The following JAZF1 variants were observed in gnomAD, a reference collection of about 807,000 sequenced individuals.
JAZF1 encodes the protein JAZF zinc finger 1, also known as juxtaposed with another zinc finger protein 1.
JAZF1 carries 8 observed loss-of-function variants against 26.4 expected under a neutral mutation model. The ratio of observed to expected loss-of-function variants is 0.30; its 90% CI spans 0.18 to 0.55. The LOEUF is 0.55. Ranked by LOEUF, JAZF1 falls within the 20% of genes least tolerant of loss-of-function variation. JAZF1 has a pLI of 0.94. For synonymous variants in JAZF1, 126 were observed against 122.3 expected (o/e 1.03, Z -0.20); for missense variants, 199 against 322.0 (o/e 0.62, Z 2.92).
chr7:27,860,289 TTA>T (rs1235100942), intron 3 of JAZF1, among the ~76,000 whole-genome samples: 42 of 152,334 alleles, frequency 2.8e-4, no homozygotes, highest in African/African-American at 9.1e-4. Context: ...ATTGGTTCTG[TTA>T]TATGTCATTT....
At chr7:27,878,561 C>G (rs1336560977) in intron 3 of JAZF1, among the ~76,000 whole-genome samples, 1 of 152,218 alleles carries the variant, frequency 6.6e-6, no homozygotes, top group Non-Finnish European at 1.5e-5. Context: ...GCATAAATTT[C>G]TGGTTCCCAA....
chr7:28,006,679 A>G (rs1318183362), intron 1 of JAZF1, among the ~76,000 whole-genome samples: 1 of 152,196 alleles, frequency 6.6e-6, no homozygotes, highest in African/African-American at 2.4e-5. Context: ...AAAGGCCCAA[A>G]TCACAGGACC....
intron 2 of JAZF1, among the ~76,000 whole-genome samples, chr7:27,947,987 A>T (rs191675412): frequency 1.3e-5 from 2 of 152,172 alleles, no homozygotes; most frequent in Non-Finnish European, 2.9e-5. Context: ...CTTTTGGTCA[A>T]TTCATGGCAG....
At chr7:27,874,676 A>C (rs1783643232) in intron 3 of JAZF1, among the ~76,000 whole-genome samples, 2 of 151,868 alleles carry the variant, frequency 1.3e-5, no homozygotes, top group Non-Finnish European at 2.9e-5. Flanking sequence ...AAGAGCAAAG[A>C]AGCATGGCCT....
At chr7:27,899,702 A>C (rs1455648405) in intron 2 of JAZF1, among the ~76,000 whole-genome samples, 1 of 152,124 alleles carries the variant, frequency 6.6e-6, no homozygotes, top group African/African-American at 2.4e-5. Flanking sequence ...TTAGGATTAT[A>C]GGTGTGAGCC....
At chr7:28,106,684 G>A (rs184203848) in intron 1 of JAZF1, among the ~76,000 whole-genome samples, 3 of 152,296 alleles carry the variant, frequency 2.0e-5, no homozygotes, top group Admixed American at 2.0e-4. Flanking sequence ...CAATATGCTT[G>A]AGAATTTTAA....
chr7:28,176,198 C>T (rs1334711969), intron 1 of JAZF1, among the ~76,000 whole-genome samples: 2 of 152,256 alleles, frequency 1.3e-5, no homozygotes, highest in African/African-American at 4.8e-5. Context: ...CAATGAGACT[C>T]TGCCCCTTAA....
intron 2 of JAZF1, among the ~76,000 whole-genome samples, chr7:27,898,631 C>CAACAACTATA (rs1400546825): frequency 1.3e-5 from 2 of 152,038 alleles, no homozygotes; most frequent in Non-Finnish European, 2.9e-5. Context: ...AGATATAACA[C>CAACAACTATA]AACAACTATA....
intron 1 of JAZF1, among the ~76,000 whole-genome samples, chr7:28,049,728 T>C (rs1783578797): frequency 6.6e-6 from 1 of 152,140 alleles, no homozygotes; most frequent in Non-Finnish European, 1.5e-5. Flanking sequence ...AGGGGAAACA[T>C]TTTACTTAAA....
At chr7:27,960,194 T>G (rs549062716) in intron 2 of JAZF1, among the ~76,000 whole-genome samples, 3 of 152,384 alleles carry the variant, frequency 2.0e-5, no homozygotes, top group African/African-American at 7.2e-5. Flanking sequence ...TGTGCTTATT[T>G]AATTGAATGG....
chr7:27,969,930 T>A (rs1430302730), intron 2 of JAZF1, among the ~76,000 whole-genome samples: 1 of 152,230 alleles, frequency 6.6e-6, no homozygotes, highest in East Asian at 1.9e-4. Flanking sequence ...AAAACAGGGA[T>A]GTACAATAGA....
intron 3 of JAZF1, among the ~76,000 whole-genome samples, chr7:27,879,230 A>C (rs1195244016): frequency 1.3e-5 from 2 of 152,122 alleles, no homozygotes; most frequent in Non-Finnish European, 2.9e-5. Context: ...TGTATGTTCC[A>C]TTTCTTCATA....
At chr7:27,980,563 T>C (rs150878426) in intron 2 of JAZF1, among the ~76,000 whole-genome samples, 101 of 152,310 alleles carry the variant, frequency 6.6e-4, no homozygotes, top group African/African-American at 2.2e-3. Context: ...GTCAATGTTA[T>C]TGCCAAAGAA....
intron 1 of JAZF1, among the ~76,000 whole-genome samples, chr7:28,043,007 G>C (rs923100778): frequency 1.3e-5 from 2 of 152,146 alleles, no homozygotes; most frequent in Admixed American, 1.3e-4. Flanking sequence ...CTACCTGACA[G>C]TCTCCTGCTG....
chr7:27,836,007 A>G (rs1300465043), intron 4 of JAZF1, among the ~76,000 whole-genome samples: 5 of 152,220 alleles, frequency 3.3e-5, no homozygotes, highest in African/African-American at 4.8e-5. Context: ...GGATGAGAGA[A>G]TTGACTCCTA....
In JAZF1 at chr7:28,087,100, T is replaced by C. The variant is rs373893313; in HGVS notation, c.115+93363A>G. On this transcript the variant is annotated intron_variant, in intron 1 of 4. Transcript: ENST00000283928. ...TATGACATCAAATGACTGACCTAAG[T>C]AGGTTTTTATTTAGCTTTCAACAAG... Among the ~76,000 whole-genome samples, 8 of 152,336 alleles carry C rather than the reference T, an allele frequency of 5.3e-5. No homozygotes were observed. The South Asian group carries it at 1.5e-3, about 28-fold the overall frequency.
chr7:28,101,838 A>C (rs1056129170), intron 1 of JAZF1, among the ~76,000 whole-genome samples: 3 of 152,176 alleles, frequency 2.0e-5, no homozygotes, highest in Non-Finnish European at 4.4e-5. Context: ...ATAAACAAAA[A>C]CAAATACAAT....
intron 2 of JAZF1, among the ~76,000 whole-genome samples, chr7:27,976,025 A>T (rs1441810394): frequency 6.6e-6 from 1 of 152,112 alleles, no homozygotes; most frequent in African/African-American, 2.4e-5. Flanking sequence ...TTGTCCTTCC[A>T]GCTTCCCAGT....
chr7:27,963,379 A>C (rs1455629799), intron 2 of JAZF1, among the ~76,000 whole-genome samples: 1 of 151,804 alleles, frequency 6.6e-6, no homozygotes, highest in African/African-American at 2.4e-5. Context: ...AAAAAAAACT[A>C]CTCTTTTATT....
Sources: allele counts gnomAD v4.1 joint callset (sites outside exome capture counted in the v4.1 genomes callset), GRCh38; gene constraint gnomAD v4.1.1; transcripts MANE v1.5; gene names NCBI Gene and HGNC (gene_info 2026-07-23, HGNC 2026-07-21).